OPCML: variants seen among roughly 807,000 people sequenced by gnomAD.
OPCML encodes opioid-binding protein/cell adhesion molecule.
In OPCML, 13 loss-of-function variants were observed where a neutral mutation model predicts 37.8. That is an observed-to-expected ratio of 0.34 (90% CI 0.22 to 0.55). OPCML has a LOEUF of 0.55. Among genes scored for constraint, OPCML ranks in the 20% least tolerant of loss-of-function variants. OPCML has a pLI of 0.91. For synonymous variants in OPCML, 176 were observed against 168.8 expected (o/e 1.04, Z -0.33); for missense variants, 341 against 435.6 (o/e 0.78, Z 1.93).
intron 3 of OPCML, among the ~76,000 whole-genome samples, chr11:132,625,319 A>G (rs1052170797): frequency 6.6e-6 from 1 of 152,108 alleles, no homozygotes; most frequent in African/African-American, 2.4e-5. Context: ...GTTTCTTCAG[A>G]GAGGGGTGTT....
chr11:133,429,857 GGTT>G (rs1052322341), intron 1 of OPCML, among the ~76,000 whole-genome samples: 36 of 152,250 alleles, frequency 2.4e-4, no homozygotes, highest in African/African-American at 6.7e-4. Flanking sequence ...ATGTTGAGAA[GGTT>G]GTTGTATTAA....
chr11:132,948,073 T>C lies in OPCML; in HGVS notation c.62-5063A>G, dbSNP rs376191018. Among the ~76,000 whole-genome samples the C allele has an allele frequency of 2.0e-5, 3 of 152,376 alleles. No individual in the cohort carries two copies. The South Asian group carries it at 6.2e-4, about 32-fold the overall frequency. On this transcript the variant is annotated intron_variant, in intron 1 of 7. Transcript: ENST00000524381. ...CTTGTCATCTCTCTAGCTGCCTGGC[T>C]GGTACCCAGGAATACCTATCCCACC...
intron 7 of OPCML, among the ~76,000 whole-genome samples, chr11:132,431,421 C>T (rs961886730): frequency 2.0e-5 from 3 of 152,242 alleles, no homozygotes; most frequent in Non-Finnish European, 2.9e-5. Flanking sequence ...GGCCACTTTT[C>T]CAGCACCTGC....
intron 1 of OPCML, among the ~76,000 whole-genome samples, chr11:133,119,149 G>A (rs1203248679): frequency 2.0e-5 from 3 of 151,962 alleles, no homozygotes; most frequent in African/African-American, 7.3e-5. Flanking sequence ...CTCTATAAAT[G>A]GCCCATCCCT....
intron 2 of OPCML, among the ~76,000 whole-genome samples, chr11:132,892,163 C>T (rs2136464638): frequency 6.6e-6 from 1 of 152,296 alleles, no homozygotes; most frequent in African/African-American, 2.4e-5. Flanking sequence ...AGGTCTGTAA[C>T]TGTGTTGAGT....
chr11:133,173,570 C>G lies in OPCML; in HGVS notation c.62-230560G>C, dbSNP rs897989413. 1.3e-5 allele frequency among the ~76,000 whole-genome samples: 2 copies of G among 152,088 alleles called. No individual in the cohort carries two copies. Among genetic ancestry groups the G allele is most frequent in the African/African-American group, 2.4e-5 (1 of 41,410 alleles). On this transcript the variant is annotated intron_variant, in intron 1 of 7. Coordinates refer to ENST00000524381, the MANE Select transcript of OPCML (RefSeq NM_001012393.5). The surrounding 1 kb of genome is among the most constrained non-coding windows in gnomAD (Gnocchi z 7.8). The stretch of plus-strand genomic sequence containing the variant: ...TTGTTTCCCCAAAGGAGGAAGCCAC[C>G]AGCATTCAAATCACATCACCTTTCA...
chr11:133,232,322 G>T (rs992047122), intron 1 of OPCML, among the ~76,000 whole-genome samples: 3 of 152,194 alleles, frequency 2.0e-5, no homozygotes, highest in Admixed American at 6.5e-5. Context: ...CTGAGGTCTA[G>T]TTTTAAATTC....
chr11:133,014,859 C>A (rs1347869012), intron 1 of OPCML, among the ~76,000 whole-genome samples: 1 of 152,202 alleles, frequency 6.6e-6, no homozygotes, highest in East Asian at 1.9e-4. Flanking sequence ...CATCTACTGT[C>A]CTAGTATTGG....
At chr11:133,327,794 G>A (rs1565574403) in intron 1 of OPCML, among the ~76,000 whole-genome samples, 1 of 152,110 alleles carries the variant, frequency 6.6e-6, no homozygotes, top group South Asian at 2.1e-4. Context: ...AGAGTTCGGG[G>A]ACCCTGGGTA....
At chr11:133,008,410 G>C (rs960102586) in intron 1 of OPCML, 1 of 985,246 alleles carries the variant, frequency 1.0e-6, no homozygotes, top group Non-Finnish European at 1.2e-6. Context: ...GTGCTCAGGA[G>C]GTCCTTTTCT....
intron 1 of OPCML, among the ~76,000 whole-genome samples, chr11:133,500,309 C>T (rs753728446): frequency 1.3e-5 from 2 of 152,210 alleles, no homozygotes; most frequent in Admixed American, 6.5e-5. Flanking sequence ...CACTGAGACC[C>T]AGGTCAGTGG....
At chr11:133,449,450 T>C (rs1946535141) in intron 1 of OPCML, among the ~76,000 whole-genome samples, 1 of 152,206 alleles carries the variant, frequency 6.6e-6, no homozygotes, top group Non-Finnish European at 1.5e-5. Flanking sequence ...AACTCTGGTA[T>C]AGTGTAGTTT....
intron 1 of OPCML, among the ~76,000 whole-genome samples, chr11:133,184,884 T>C (rs1938004073): frequency 6.6e-6 from 1 of 152,208 alleles, no homozygotes; most frequent in African/African-American, 2.4e-5. Context: ...CAGGACGTTT[T>C]CTAGTCTCAT....
intron 1 of OPCML, among the ~76,000 whole-genome samples, chr11:132,995,296 A>G (rs1447755256): frequency 6.6e-6 from 1 of 152,202 alleles, no homozygotes; most frequent in Non-Finnish European, 1.5e-5. Context: ...GTGCTCGTTT[A>G]TGAAGGCAAA....
At chr11:133,220,196 T>G (rs1592116442) in intron 1 of OPCML, among the ~76,000 whole-genome samples, 1 of 152,144 alleles carries the variant, frequency 6.6e-6, no homozygotes, top group African/African-American at 2.4e-5. Flanking sequence ...CCCAGGCAGG[T>G]GTGCACCAGA....
intron 1 of OPCML, among the ~76,000 whole-genome samples, chr11:133,367,857 G>A (rs1171730296): frequency 1.3e-5 from 2 of 152,206 alleles, no homozygotes; most frequent in African/African-American, 4.8e-5. Flanking sequence ...CACTTCTCCA[G>A]TAGCAGCCCA....
chr11:133,095,383 T>A (rs1207690046), intron 1 of OPCML, among the ~76,000 whole-genome samples: 1 of 135,008 alleles, frequency 7.4e-6, no homozygotes, highest in Non-Finnish European at 1.5e-5. Flanking sequence ...AGGGAAGGAG[T>A]GAGATAATCT....
At chr11:132,552,767 T>TTTTC (rs1380067681) in intron 3 of OPCML, among the ~76,000 whole-genome samples, 1 of 129,876 alleles carries the variant, frequency 7.7e-6, no homozygotes, top group Non-Finnish European at 1.6e-5. Flanking sequence ...ACTACTCTTT[T>TTTTC]TTTTTTTTTT....
At chr11:133,190,852 G>A (rs546370056) in intron 1 of OPCML, among the ~76,000 whole-genome samples, 3 of 152,064 alleles carry the variant, frequency 2.0e-5, no homozygotes, top group South Asian at 4.2e-4. Context: ...TTCATTATAT[G>A]GCTTGACTAT....
Sources: gnomAD v4.1 joint callset for allele counts (sites outside exome capture counted in the v4.1 genomes callset) on GRCh38, gnomAD v4.1.1 for gene constraint, Gnocchi (gnomAD v3.1) non-coding constraint, MANE v1.5 for transcripts, NCBI Gene and HGNC (gene_info 2026-07-23, HGNC 2026-07-21) for gene names.